Variants in KLHL23 observed in about 807,000 individuals in gnomAD.
KLHL23 encodes the protein kelch-like protein 23.
A neutral mutation model predicts 48.9 loss-of-function variants in KLHL23; 33 were observed. The observed-to-expected ratio is 0.67, with a 90% CI of 0.51 to 0.90. The LOEUF (loss-of-function observed/expected upper bound fraction) is 0.90, where lower values mean the gene tolerates loss of function less well. Among genes scored for constraint, KLHL23 ranks in the 40% least tolerant of loss-of-function variants. The probability of loss-of-function intolerance (pLI) is 0.00; values close to 1 mark genes in which losing one functional copy is unlikely to be tolerated. For missense variants in KLHL23, 608 were observed against 669.6 expected (o/e 0.91, Z 1.02); for synonymous variants, 234 against 231.6 (o/e 1.01, Z -0.09).
chr2:169,749,458 T>C lies in KLHL23; in HGVS notation c.1403T>C (p.Leu468Pro). The change falls in exon 4 of 4, where the codon CTC becomes CCC. Residue 468 changes from leucine to proline, a missense_variant. By Grantham distance (98) the Leu-to-Pro change is moderately conservative. Transcript: ENST00000392647. ...TGCTCAGTTCCGTTTGAAAATAAGC[T>C]CTATCTAGTCGGCGGACAAACTACA... ...GLCSVPFENK[L>P]YLVGGQTTIT... The C allele has an allele frequency of 6.2e-7, 1 of 1,613,632 alleles. No homozygotes were observed. Among genetic ancestry groups the C allele is most frequent in the Non-Finnish European group, 8.5e-7 (1 of 1,179,602 alleles).
In KLHL23 at chr2:169,749,679, A is replaced by G. The variant is rs745558814; in HGVS notation, c.1624A>G (p.Asn542Asp). ...PDLNKWEIVG[N>D]LPSAMRSHGC... ...TCTTAATAAGTGGGAAATAGTGGGT[A>G]ATCTTCCCAGTGCCATGCGGTCTCA... Residue 542 changes from asparagine (N) to aspartate (D), a missense_variant, in exon 4 of 4, where the codon AAT becomes GAT. By Grantham distance (23) the Asn-to-Asp change is conservative. Transcript: ENST00000392647. 6.2e-7 allele frequency: 1 copy of G among 1,613,878 alleles called. No homozygotes were observed. Among genetic ancestry groups the G allele is most frequent in the Non-Finnish European group, 8.5e-7 (1 of 1,179,830 alleles).
Position 169,735,251 on chromosome 2 carries a change from ACT to A in KLHL23, c.242_243del (p.Ser81TrpfsTer5). ...MKEKFKNKIK[L>X]SGIHHDILEG... ...AAGAAAAATTTAAAAATAAAATAAA[ACT>A]CTCTGGCATCCACCATGATATTCTG... On this transcript the variant is annotated frameshift_variant, in exon 2 of 4. Coordinates refer to ENST00000392647, the MANE Select transcript of KLHL23 (RefSeq NM_144711.6). LOFTEE classifies it high-confidence loss of function. The surrounding 1 kb of genome is among the most constrained non-coding windows in gnomAD (Gnocchi z 4.5). The A allele has an allele frequency of 6.2e-7, 1 of 1,604,238 alleles. No individual in the cohort carries two copies. Among genetic ancestry groups the A allele is most frequent in the South Asian group, 1.1e-5 (1 of 88,192 alleles).
In KLHL23 at chr2:169,750,850, C is replaced by T. The variant is rs1386319667; in HGVS notation, c.*1118C>T. 1.3e-5 allele frequency: 2 copies of T among 152,134 alleles called. No individual in the cohort carries two copies. Among genetic ancestry groups the T allele is most frequent in the Non-Finnish European group, 2.9e-5 (2 of 68,034 alleles). 9.4% of individuals were successfully genotyped at this position (152,134 alleles called of 1,614,324 possible). A position where few individuals can be genotyped will look rare whatever the true frequency, so the allele number is the denominator to read the frequency against. ...TTTAGTTCAAGCATGTTAGGAAATC[C>T]TCTTTATTCTTAAATATAGATACAT... On this transcript the variant is annotated 3_prime_UTR_variant, in exon 4 of 4. Coordinates refer to ENST00000392647, the MANE Select transcript of KLHL23 (RefSeq NM_144711.6).
intron 3 of KLHL23, among the ~76,000 whole-genome samples, chr2:169,745,324 A>G (rs886337549): frequency 6.6e-6 from 1 of 151,928 alleles, no homozygotes; most frequent in Non-Finnish European, 1.5e-5. Context: ...CATCCTGGCT[A>G]ACATGGTGAA....
chr2:169,734,928 C>G, intron 1 of KLHL23, 85 bp from the exon 2 acceptor site: 1 of 1,472,848 alleles, frequency 6.8e-7, no homozygotes. Context: ...GGAGTATATC[C>G]GATGATAGTC....
intron 2 of KLHL23, among the ~76,000 whole-genome samples, chr2:169,740,793 A>ATATATATATATATATATATATATAT (rs1688660944): frequency 1.0e-5 from 1 of 98,354 alleles, no homozygotes; most frequent in African/African-American, 3.9e-5. Context: ...TATATATATA[A>ATATATATATATATATATATATATAT]CTTATTTATT....
intron 2 of KLHL23, among the ~76,000 whole-genome samples, chr2:169,737,407 C>T (rs1327469804): frequency 1.3e-5 from 2 of 152,100 alleles, no homozygotes; most frequent in Non-Finnish European, 2.9e-5. Flanking sequence ...GCTGTTGCTC[C>T]CCTGGTTTTT....
At chr2:169,746,828 A>C (rs574647738) in intron 3 of KLHL23, among the ~76,000 whole-genome samples, 21 of 152,354 alleles carry the variant, frequency 1.4e-4, no homozygotes, top group African/African-American at 4.6e-4. Flanking sequence ...GTGATGTTGA[A>C]TCACTTTTAC....
At position 169,749,913 on chromosome 2, in the gene KLHL23, TTATATATATA is replaced by T. The variant is rs72113382; in HGVS notation, c.*190_*199del. On this transcript the variant is annotated 3_prime_UTR_variant, in exon 4 of 4. Transcript: ENST00000392647. The stretch of plus-strand genomic sequence containing the variant: ...TGGTGATTCATGGTCAAGAAAAATC[TTATATATATA>T]TATATATACACACACACATATATGT... The T allele has an allele frequency of 4.6e-6, 1 of 215,812 alleles. No homozygotes were observed. The highest frequency in any genetic ancestry group is 8.4e-6 in the Non-Finnish European group (1 of 119,558). 13.4% of individuals were successfully genotyped at this position (215,812 alleles called of 1,614,324 possible).
intron 1 of KLHL23, among the ~76,000 whole-genome samples, chr2:169,734,688 T>C (rs1193499319): frequency 2.0e-5 from 3 of 152,122 alleles, no homozygotes; most frequent in Non-Finnish European, 4.4e-5. Flanking sequence ...GGGGTGACCC[T>C]CGGACACTTG....
At chr2:169,736,632 C>A (rs915168736) in intron 2 of KLHL23, among the ~76,000 whole-genome samples, 1 of 152,132 alleles carries the variant, frequency 6.6e-6, no homozygotes, top group Admixed American at 6.5e-5. Flanking sequence ...CTAGAGACAA[C>A]GTCTGCTTTT....
chr2:169,743,022 G>T (rs1179988853), intron 3 of KLHL23, among the ~76,000 whole-genome samples: 2 of 152,248 alleles, frequency 1.3e-5, no homozygotes, highest in East Asian at 3.9e-4. Context: ...ATTGCCCAAG[G>T]TTAGCCAGCT....
chr2:169,736,289 A>C, intron 2 of KLHL23, 62 bp downstream of exon 2: 1 of 1,520,026 alleles, frequency 6.6e-7, no homozygotes. Context: ...CAGCAGTCTC[A>C]CTTCTCTTGA....
At position 169,750,116 on chromosome 2, in the gene KLHL23, GTA is replaced by G. The variant is rs1350142359; in HGVS notation, c.*393_*394del. 1 of 137,000 alleles carries G rather than the reference GTA, an allele frequency of 7.3e-6. No homozygotes were observed. The highest frequency in any genetic ancestry group is 3.1e-5 in the African/African-American group (1 of 32,714). The allele number at this position is 137,000 out of a possible 1,614,324, so 8.5% of individuals were successfully genotyped here. On this transcript the variant is annotated 3_prime_UTR_variant, in exon 4 of 4. Transcript: ENST00000392647. ...TATATGTGTATACATATATATGTGT[GTA>G]TATATATACACATATATACGTATAT...
At chr2:169,741,845 A>G (rs967592321) in intron 3 of KLHL23, among the ~76,000 whole-genome samples, 1 of 152,196 alleles carries the variant, frequency 6.6e-6, no homozygotes, top group Non-Finnish European at 1.5e-5. Context: ...TTATGACATT[A>G]ATTATATAAA....
Position 169,735,811 on chromosome 2 carries a change from A to G in KLHL23, c.797A>G (p.Glu266Gly). The part of the protein sequence containing the change: ...IYNALNPMHK[E>G]ISQRSTATMY... The stretch of plus-strand genomic sequence containing the variant: ...AATGCCTTGAATCCCATGCATAAAG[A>G]GATTTCCCAGAGGTCCACAGCCACA... The change falls in exon 2 of 4, where the codon GAG becomes GGG. Residue 266 changes from glutamate (E) to glycine (G), a missense_variant. Glu to Gly is a moderately conservative substitution (Grantham distance 98). Transcript: ENST00000392647. The surrounding 1 kb of genome is among the most constrained non-coding windows in gnomAD (Gnocchi z 4.5). 5 of 1,614,138 alleles carry G rather than the reference A, an allele frequency of 3.1e-6. No homozygotes were observed. Among genetic ancestry groups the G allele is most frequent in the Non-Finnish European group, 4.2e-6 (5 of 1,180,038 alleles).
In KLHL23 at chr2:169,749,653, A is replaced by T. The variant is rs778148355; in HGVS notation, c.1598A>T (p.Asp533Val). The change falls in exon 4 of 4, where the codon GAT becomes GTT. Residue 533 changes from aspartate (D) to valine (V), a missense_variant. By Grantham distance (152) the Asp-to-Val change is radical (BLOSUM62 -3). Coordinates refer to ENST00000392647, the MANE Select transcript of KLHL23 (RefSeq NM_144711.6). Reference protein sequence around the residue: ...YLQSIEKYDPDLNKWEIVGNL... With the variant: ...YLQSIEKYDPVLNKWEIVGNL... ...CAGAGCATTGAGAAATATGATCCAG[A>T]TCTTAATAAGTGGGAAATAGTGGGT... 1 of 1,613,998 alleles carries T rather than the reference A, an allele frequency of 6.2e-7. No individual in the cohort carries two copies. The highest frequency in any genetic ancestry group is 8.5e-7 in the Non-Finnish European group (1 of 1,180,006).
chr2:169,738,175 G>GTAA (rs1482304959), intron 2 of KLHL23, among the ~76,000 whole-genome samples: 15 of 152,170 alleles, frequency 9.9e-5, no homozygotes. Context: ...CCAGGGAGAG[G>GTAA]TAACACTGCC....
At position 169,735,805 on chromosome 2, in the gene KLHL23, A is replaced by G. The variant is rs139784624; in HGVS notation, c.791A>G (p.His264Arg). The change falls in exon 2 of 4, where the codon CAT becomes CGT. Residue 264 changes from histidine (H) to arginine (R), a missense_variant. Transcript: ENST00000392647. This position sits in a 1 kb window ranked among gnomAD's most constrained non-coding sequence, Gnocchi z 4.5. ...ATATACAATGCCTTGAATCCCATGCATAAAGAGATTTCCCAGAGGTCCACA... is the reference window on the plus strand; with the variant it reads ...ATATACAATGCCTTGAATCCCATGCGTAAAGAGATTTCCCAGAGGTCCACA... ...SLIYNALNPM[H>R]KEISQRSTAT... 2,817 of 1,614,144 alleles carry G rather than the reference A, an allele frequency of 1.7e-3. 64 individuals carry two copies. The Admixed American group carries it at 0.043, about 25-fold the overall frequency.
Sources: gnomAD v4.1 joint callset for allele counts (sites outside exome capture counted in the v4.1 genomes callset) on GRCh38, gnomAD v4.1.1 for gene constraint, Gnocchi (gnomAD v3.1) non-coding constraint, MANE v1.5 for transcripts, NCBI Gene and HGNC (gene_info 2026-07-23, HGNC 2026-07-21) for gene names.